CMKLR1: variants seen among roughly 807,000 people sequenced by gnomAD.
CMKLR1 encodes chemerin chemokine-like receptor 1, also known as chemerin-like receptor 1.
A neutral mutation model predicts 8.2 loss-of-function variants in CMKLR1; 6 were observed. That is an observed-to-expected ratio of 0.73 (90% CI 0.40 to 1.44). CMKLR1 has a LOEUF of 1.44. Ranked by LOEUF, CMKLR1 falls within the 40% of genes most tolerant of loss-of-function variation. The pLI, the probability that CMKLR1 is intolerant of heterozygous loss-of-function variation, is 0.02. For synonymous variants in CMKLR1, 178 were observed against 181.2 expected, an observed-to-expected ratio of 0.98 and a Z score of 0.14; for missense variants, 429 against 478.0, an observed-to-expected ratio of 0.90 and a Z score of 0.96.
chr12:108,300,901 C>T (rs11609610), intron 2 of CMKLR1, among the ~76,000 whole-genome samples: 4,789 of 152,144 alleles, frequency 0.031, 101 homozygotes, highest in Non-Finnish European at 0.049. Flanking sequence ...TCATGATCAC[C>T]CTACAGGGTC....
At chr12:108,322,474 G>T (rs529237930) in intron 2 of CMKLR1, among the ~76,000 whole-genome samples, 185 of 152,254 alleles carry the variant, frequency 1.2e-3, no homozygotes, top group Non-Finnish European at 2.4e-3. Flanking sequence ...CAATGCTTTT[G>T]TGCCTCTGCA....
intron 2 of CMKLR1, among the ~76,000 whole-genome samples, chr12:108,300,531 A>G (rs1434988498): frequency 2.0e-5 from 3 of 152,212 alleles, no homozygotes; most frequent in Non-Finnish European, 4.4e-5. Flanking sequence ...CTGTCTGGAT[A>G]TTAGAAATAA....
chr12:108,298,796 C>T (rs1003285253), intron 2 of CMKLR1, among the ~76,000 whole-genome samples: 4 of 152,232 alleles, frequency 2.6e-5, no homozygotes, highest in African/African-American at 9.6e-5. Flanking sequence ...CTGCCTGAGA[C>T]CCTGAACTCA....
chr12:108,307,211 C>T (rs1036918717), intron 2 of CMKLR1, among the ~76,000 whole-genome samples: 1 of 152,222 alleles, frequency 6.6e-6, no homozygotes, highest in African/African-American at 2.4e-5. Context: ...GGGATGCTTA[C>T]AGCTTGCTCA....
At chr12:108,322,642 T>C (rs1433884884) in intron 2 of CMKLR1, among the ~76,000 whole-genome samples, 1 of 151,814 alleles carries the variant, frequency 6.6e-6, no homozygotes, top group Non-Finnish European at 1.5e-5. Flanking sequence ...CAAGAACTGA[T>C]TGTTTAAAAG....
At chr12:108,309,173 A>G (rs1387092063) in intron 2 of CMKLR1, among the ~76,000 whole-genome samples, 3 of 152,232 alleles carry the variant, frequency 2.0e-5, no homozygotes, top group Non-Finnish European at 4.4e-5. Flanking sequence ...TTTTAGAAGC[A>G]TGCCTGGTTC....
chr12:108,311,919 G>A (rs762191559), intron 2 of CMKLR1, among the ~76,000 whole-genome samples: 9 of 152,182 alleles, frequency 5.9e-5, no homozygotes, highest in Non-Finnish European at 1.3e-4. Context: ...CCAGTACCCC[G>A]AGCATGGTTC....
intron 1 of CMKLR1, among the ~76,000 whole-genome samples, chr12:108,338,761 G>C (rs576514852): frequency 6.6e-6 from 1 of 152,280 alleles, no homozygotes; most frequent in East Asian, 1.9e-4. Context: ...AAGAATATAG[G>C]TGATATGGAA....
At chr12:108,311,633 G>GAA (rs112742062) in intron 2 of CMKLR1, among the ~76,000 whole-genome samples, 2 of 152,002 alleles carry the variant, frequency 1.3e-5, no homozygotes, top group Admixed American at 6.5e-5. Flanking sequence ...CTCCTAAAAA[G>GAA]AAAAAAAGTG....
At chr12:108,321,424 C>G (rs1891858836) in intron 2 of CMKLR1, among the ~76,000 whole-genome samples, 1 of 151,878 alleles carries the variant, frequency 6.6e-6, no homozygotes, top group African/African-American at 2.4e-5. Context: ...AGAGTGAGAC[C>G]CTGTCTCCAA....
At position 108,335,202 on chromosome 12, in the gene CMKLR1, C is replaced by T. The variant is rs12317147; in HGVS notation, c.-287+3825G>A. Among the ~76,000 whole-genome samples the T allele has an allele frequency of 7.8e-3, 1,191 of 152,328 alleles. 5 individuals are homozygous for T. Among genetic ancestry groups the T allele is most frequent in the Non-Finnish European group, 0.012 (830 of 68,032 alleles). ...ATTCATTCTCCCTGTCCACAATACA[C>T]GACTGTGGCTGGGAAAGAGCTGCTC... On this transcript the variant is annotated intron_variant, in intron 1 of 3. Coordinates refer to ENST00000550402, the MANE Select transcript of CMKLR1 (RefSeq NM_001142343.2).
chr12:108,325,706 C>A (rs1891967176), intron 2 of CMKLR1, among the ~76,000 whole-genome samples: 1 of 152,134 alleles, frequency 6.6e-6, no homozygotes, highest in Non-Finnish European at 1.5e-5. Flanking sequence ...GAATTTGAAG[C>A]CAAGCCACCG....
At chr12:108,301,293 T>C (rs554237858) in intron 2 of CMKLR1, among the ~76,000 whole-genome samples, 1 of 151,980 alleles carries the variant, frequency 6.6e-6, no homozygotes, top group Non-Finnish European at 1.5e-5. Context: ...GCCAGGATGG[T>C]CTCAATCTCC....
chr12:108,290,715 G>A lies in CMKLR1; in HGVS notation c.*1126C>T, dbSNP rs1890940163. 6.6e-6 allele frequency: 1 copy of A among 152,250 alleles called. No homozygotes were observed. The highest frequency in any genetic ancestry group is 2.4e-5 in the African/African-American group (1 of 41,456). The allele number at this position is 152,250 out of a possible 1,614,324, so 9.4% of individuals were successfully genotyped here. On this transcript the variant is annotated 3_prime_UTR_variant, in exon 4 of 4. Transcript: ENST00000550402. ...CCATGCCAGGCACCTGTATCCAGGA[G>A]GTATTTGGTGTCTGCAGCTCAGAAA...
Position 108,289,567 on chromosome 12 carries a change from G to C in CMKLR1, c.*2274C>G, listed in dbSNP as rs1420201664. The C allele has an allele frequency of 6.6e-6, 1 of 152,200 alleles. No individual in the cohort carries two copies. Among genetic ancestry groups the C allele is most frequent in the Non-Finnish European group, 1.5e-5 (1 of 68,044 alleles). The allele number at this position is 152,200 out of a possible 1,614,324, so 9.4% of individuals were successfully genotyped here. On this transcript the variant is annotated 3_prime_UTR_variant, in exon 4 of 4. Coordinates refer to ENST00000550402, the MANE Select transcript of CMKLR1 (RefSeq NM_001142343.2). ...CTGGCCTGGACTGCCAGAAGCCCAG[G>C]AAAAGCAGCATCCTACAAGCCAGGA...
chr12:108,335,111 T>G (rs1245229716), intron 1 of CMKLR1, among the ~76,000 whole-genome samples: 3 of 152,112 alleles, frequency 2.0e-5, no homozygotes, highest in Non-Finnish European at 4.4e-5. Flanking sequence ...AGACTTAGAA[T>G]CAAAGAATGG....
At chr12:108,331,762 G>A (rs1440386836) in intron 1 of CMKLR1, among the ~76,000 whole-genome samples, 1 of 152,290 alleles carries the variant, frequency 6.6e-6, no homozygotes, top group East Asian at 1.9e-4. Flanking sequence ...GGCTTTGAAG[G>A]CTGGGGAAGG....
At position 108,292,783 on chromosome 12, in the gene CMKLR1, C is replaced by G; in HGVS notation, c.180G>C (p.Leu60=). 1 of 1,614,146 alleles carries G rather than the reference C, an allele frequency of 6.2e-7. No homozygotes were observed. Among genetic ancestry groups the G allele is most frequent in the Non-Finnish European group, 8.5e-7 (1 of 1,180,026 alleles). Residue 60 remains leucine (L), a synonymous_variant, in exon 4 of 4, where the codon CTG becomes CTC. Coordinates refer to ENST00000550402, the MANE Select transcript of CMKLR1 (RefSeq NM_001142343.2). The part of the protein sequence containing the change: ...VCFLGILGNG[L]VIIIATFKMK... Reference sequence around the variant, plus strand: ...TCTTGAAGGTGGCAATGATGATCACCAGACCATTGCCCAGAATCCCGAGGA... The same window carrying G: ...TCTTGAAGGTGGCAATGATGATCACGAGACCATTGCCCAGAATCCCGAGGA...
intron 2 of CMKLR1, among the ~76,000 whole-genome samples, chr12:108,295,701 C>T (rs1270480179): frequency 1.3e-5 from 2 of 152,230 alleles, no homozygotes; most frequent in Admixed American, 1.3e-4. Context: ...CGGGCATCTC[C>T]CCATCTCTGA....
Sources: allele counts gnomAD v4.1 joint callset (sites outside exome capture counted in the v4.1 genomes callset), GRCh38; gene constraint gnomAD v4.1.1; transcripts MANE v1.5; gene names NCBI Gene and HGNC (gene_info 2026-07-23, HGNC 2026-07-21).